The following TMEM131L variants were observed in gnomAD, a reference collection of about 807,000 sequenced individuals.
TMEM131L encodes the protein transmembrane 131 like, also known as transmembrane protein 131-like.
Under a neutral mutation model 192.2 loss-of-function variants are expected in TMEM131L, and 54 were observed. The ratio of observed to expected loss-of-function variants is 0.28; its 90% CI spans 0.23 to 0.35. TMEM131L has a LOEUF of 0.35. Ranked by LOEUF, TMEM131L falls within the 10% of genes least tolerant of loss-of-function variation. TMEM131L has a pLI of 1.00. For missense variants in TMEM131L, 1,888 were observed against 1,972.9 expected, an observed-to-expected ratio of 0.96 and a Z score of 0.82; for synonymous variants, 701 against 704.9, an observed-to-expected ratio of 0.99 and a Z score of 0.09.
chr4:153,488,855 G>C (rs534307568), intron 3 of TMEM131L, among the ~76,000 whole-genome samples: 1 of 152,104 alleles, frequency 6.6e-6, no homozygotes, highest in Non-Finnish European at 1.5e-5. Flanking sequence ...CGGGCTCGCC[G>C]GCAGCCTGTG....
At chr4:153,583,433 T>C (rs992379366) in intron 10 of TMEM131L, 131 bp from the exon 11 acceptor site, 1 of 780,620 alleles carries the variant, frequency 1.3e-6, no homozygotes, top group African/African-American at 1.7e-5. Flanking sequence ...CCCCTCCATA[T>C]GGTTATGGCA....
chr4:153,629,960 A>G (rs893631), intron 31 of TMEM131L, among the ~76,000 whole-genome samples: 30,159 of 152,144 alleles, frequency 0.2, 7,958 homozygotes, highest in African/African-American at 0.61. Context: ...TATGCAGGAG[A>G]CATTCACTCT....
At chr4:153,581,716 A>G (rs548587936) in intron 9 of TMEM131L, among the ~76,000 whole-genome samples, 156 bp downstream of exon 9, 7 of 152,362 alleles carry the variant, frequency 4.6e-5, no homozygotes, top group Admixed American at 3.9e-4. Context: ...TCAACCTACA[A>G]CTGCTAAGAA....
chr4:153,470,933 G>A (rs763420446), intron 2 of TMEM131L, among the ~76,000 whole-genome samples: 6 of 151,980 alleles, frequency 3.9e-5, no homozygotes, highest in Non-Finnish European at 5.9e-5. Flanking sequence ...CAGTGGCATT[G>A]TCATCGTTTC....
chr4:153,603,586 G>C (rs535738924), intron 24 of TMEM131L, 134 bp downstream of exon 24: 2 of 1,085,684 alleles, frequency 1.8e-6, no homozygotes, highest in South Asian at 3.4e-5. Flanking sequence ...GTCATTATGT[G>C]AACAGCTGCC....
chr4:153,540,873 C>T (rs1736724910), intron 3 of TMEM131L, among the ~76,000 whole-genome samples: 2 of 152,150 alleles, frequency 1.3e-5, no homozygotes, highest in Non-Finnish European at 2.9e-5. Flanking sequence ...CCCTAGACTC[C>T]CTTATCTGCT....
At chr4:153,597,840 G>T (rs181787722) in intron 20 of TMEM131L, among the ~76,000 whole-genome samples, 1 of 152,272 alleles carries the variant, frequency 6.6e-6, no homozygotes, top group African/African-American at 2.4e-5. Context: ...GGCTGAGGTA[G>T]GAGGATTGCG....
rs1212383739 is a variant in TMEM131L at position 153,636,476 on chromosome 4, C to T, written c.4733C>T (p.Pro1578Leu). 6 of 1,614,202 alleles carry T rather than the reference C, an allele frequency of 3.7e-6. No individual in the cohort carries two copies. The highest frequency in any genetic ancestry group is 5.1e-6 in the Non-Finnish European group (6 of 1,180,044). ...VCKEYYPGFN[P>L]FRAYMNLDIW... ...AAGGAATACTACCCGGGGTTCAACC[C>T]GTTTCGCGCCTATATGAACCTGGAC... The change falls in exon 35 of 35, where the codon CCG becomes CTG. Residue 1578 changes from proline to leucine, a missense_variant. By Grantham distance (98) the Pro-to-Leu change is moderately conservative (BLOSUM62 -3). Transcript: ENST00000409959.
chr4:153,548,331 C>T (rs770309768), intron 3 of TMEM131L, among the ~76,000 whole-genome samples: 5 of 152,156 alleles, frequency 3.3e-5, no homozygotes, highest in Non-Finnish European at 4.4e-5. Context: ...GACGGAGTCT[C>T]GCTCTGTCGC....
chr4:153,524,270 TG>T (rs1323812850), intron 3 of TMEM131L, among the ~76,000 whole-genome samples: 5 of 152,146 alleles, frequency 3.3e-5, no homozygotes, highest in Non-Finnish European at 7.3e-5. Context: ...AGGACTCTGA[TG>T]GACCTGCCCT....
At chr4:153,604,457 T>A (rs761976314) in intron 25 of TMEM131L, 27 bp downstream of exon 25, 87 of 1,570,726 alleles carry the variant, frequency 5.5e-5, no homozygotes, top group Non-Finnish European at 7.2e-5. Context: ...CTTTGATAAT[T>A]CTCTCCTGTT....
chr4:153,542,777 T>C (rs529323267), intron 3 of TMEM131L, among the ~76,000 whole-genome samples: 1 of 152,172 alleles, frequency 6.6e-6, no homozygotes, highest in East Asian at 1.9e-4. Context: ...TGTAAGTAAG[T>C]GGAGGAGACA....
In TMEM131L at chr4:153,585,519, G is replaced by A. The variant is rs768719981; in HGVS notation, c.1219G>A (p.Gly407Arg). 6.2e-7 allele frequency: 1 copy of A among 1,613,960 alleles called. No homozygotes were observed. The highest frequency in any genetic ancestry group is 1.1e-5 in the South Asian group (1 of 91,074). Residue 407 changes from glycine to arginine, a missense_variant, in exon 13 of 35, where the codon GGA (glycine) becomes AGA (arginine). By Grantham distance (125) the Gly-to-Arg change is moderately radical. Coordinates refer to ENST00000409959, the MANE Select transcript of TMEM131L (RefSeq NM_001131007.2). ...FHIETHENTSGLWSIWYRNHF... is the reference protein window; with the variant it reads ...FHIETHENTSRLWSIWYRNHF... ...CATAGAGACTCATGAGAACACATCA[G>A]GACTTTGGTCAATATGGTACCGCAA... is the stretch of plus-strand genomic sequence containing the variant.
intron 3 of TMEM131L, among the ~76,000 whole-genome samples, chr4:153,530,578 G>A (rs1735821654): frequency 6.6e-6 from 1 of 152,168 alleles, no homozygotes; most frequent in Non-Finnish European, 1.5e-5. Flanking sequence ...CTGGCTTGCT[G>A]TACTTGGTGC....
intron 29 of TMEM131L, among the ~76,000 whole-genome samples, chr4:153,625,027 C>T (rs974138796): frequency 2.6e-5 from 4 of 152,204 alleles, no homozygotes; most frequent in African/African-American, 9.7e-5. Context: ...TTAATGGCCC[C>T]GCATAAAATG....
intron 3 of TMEM131L, among the ~76,000 whole-genome samples, chr4:153,521,448 T>C (rs76579778): frequency 0.017 from 2,616 of 152,326 alleles, 72 homozygotes; most frequent in African/African-American, 0.06. Context: ...TAAATACAGA[T>C]AGACCTTATT....
intron 3 of TMEM131L, among the ~76,000 whole-genome samples, chr4:153,517,559 A>G (rs1032870028): frequency 1.3e-5 from 2 of 152,128 alleles, no homozygotes; most frequent in African/African-American, 4.8e-5. Flanking sequence ...CTGGGACATT[A>G]GGTGTCGAAT....
intron 18 of TMEM131L, 103 bp from the exon 19 acceptor site, chr4:153,593,696 G>A: frequency 2.6e-6 from 2 of 756,032 alleles, no homozygotes; most frequent in South Asian, 1.5e-5. Flanking sequence ...GTGTGCAAAT[G>A]TACTCACCTA....
chr4:153,480,381 G>A (rs191705568), intron 3 of TMEM131L, among the ~76,000 whole-genome samples: 6 of 151,904 alleles, frequency 3.9e-5, no homozygotes, highest in Admixed American at 2.6e-4. Flanking sequence ...TAAGCCGGGC[G>A]TGGCAGCATG....
Sources: gnomAD v4.1 joint callset for allele counts (sites outside exome capture counted in the v4.1 genomes callset) on GRCh38, gnomAD v4.1.1 for gene constraint, MANE v1.5 for transcripts, NCBI Gene and HGNC (gene_info 2026-07-23, HGNC 2026-07-21) for gene names.